CLSTN2: variants seen among roughly 807,000 people sequenced by gnomAD.
CLSTN2 encodes the protein calsyntenin-2.
Under a neutral mutation model 101.2 loss-of-function variants are expected in CLSTN2, and 48 were observed. The ratio of observed to expected loss-of-function variants is 0.47; its 90% confidence interval spans 0.38 to 0.60. The LOEUF (loss-of-function observed/expected upper bound fraction) is 0.60, where lower values mean the gene tolerates loss of function less well. Ranked by LOEUF, CLSTN2 falls within the 20% of genes least tolerant of loss-of-function variation. The pLI is 0.00. For missense variants in CLSTN2, 1,160 were observed against 1,238.2 expected (o/e 0.94, Z 0.95); for synonymous variants, 481 against 463.6 (o/e 1.04, Z -0.48).
chr3:140,434,448 G>T (rs536239739), intron 5 of CLSTN2, among the ~76,000 whole-genome samples: 3 of 152,164 alleles, frequency 2.0e-5, no homozygotes, highest in African/African-American at 7.2e-5. Flanking sequence ...GAGCTGGAGC[G>T]GTGGTGAGGT....
In CLSTN2 at chr3:140,566,390, C is replaced by A; in HGVS notation, c.*137C>A. On this transcript the variant is annotated 3_prime_UTR_variant, in exon 17 of 17. Coordinates refer to ENST00000458420, the MANE Select transcript of CLSTN2 (RefSeq NM_022131.3). ...CTTCTCCAGCTTCCTGGAGCCCACC[C>A]TTTAAGCCTTGGGCACTCCCTGTGT... 1 of 852,124 alleles carries A rather than the reference C, an allele frequency of 1.2e-6. No homozygotes were observed. Among genetic ancestry groups the A allele is most frequent in the South Asian group, 1.7e-5 (1 of 59,602 alleles). The allele number at this position is 852,124 out of a possible 1,614,324, so 52.8% of individuals were successfully genotyped here. A position where few individuals can be genotyped will look rare whatever the true frequency, so the allele number is the denominator to read the frequency against.
At chr3:140,249,067 A>G (rs1176926676) in intron 2 of CLSTN2, among the ~76,000 whole-genome samples, 3 of 152,148 alleles carry the variant, frequency 2.0e-5, no homozygotes, top group African/African-American at 7.2e-5. Context: ...TCCCAGTCAC[A>G]GTTCCTATTC....
chr3:140,357,478 A>G (rs575936746), intron 2 of CLSTN2, among the ~76,000 whole-genome samples: 1 of 152,238 alleles, frequency 6.6e-6, no homozygotes, highest in East Asian at 1.9e-4. Flanking sequence ...TTATTCCTGC[A>G]TATTCCAGAT....
intron 1 of CLSTN2, among the ~76,000 whole-genome samples, chr3:140,022,721 T>C (rs13067861): frequency 0.82 from 124,521 of 152,096 alleles, 52,279 homozygotes; most frequent in East Asian, 0.92. Context: ...TTTTATGTAA[T>C]AGTGATAGAC....
At chr3:140,223,257 G>A (rs527863794) in intron 2 of CLSTN2, among the ~76,000 whole-genome samples, 2 of 152,224 alleles carry the variant, frequency 1.3e-5, no homozygotes, top group Non-Finnish European at 2.9e-5. Flanking sequence ...GAAAGGAAAA[G>A]TTTGTTATGA....
At chr3:140,312,738 G>A (rs2087183250) in intron 2 of CLSTN2, among the ~76,000 whole-genome samples, 1 of 152,142 alleles carries the variant, frequency 6.6e-6, no homozygotes, top group Non-Finnish European at 1.5e-5. Context: ...TTGAGTCAAG[G>A]AAAAAATTGG....
At chr3:140,552,557 A>G (rs1935723164) in intron 10 of CLSTN2, among the ~76,000 whole-genome samples, 1 of 152,100 alleles carries the variant, frequency 6.6e-6, no homozygotes, top group Non-Finnish European at 1.5e-5. Flanking sequence ...TGGAGATCCA[A>G]CACACTCTCC....
intron 1 of CLSTN2, among the ~76,000 whole-genome samples, chr3:140,148,942 T>C (rs573533461): frequency 1.2e-4 from 18 of 152,262 alleles, no homozygotes; most frequent in Middle Eastern, 3.4e-3. Context: ...AGGCAGTGGT[T>C]TACTATGGGG....
intron 2 of CLSTN2, among the ~76,000 whole-genome samples, chr3:140,203,058 T>C (rs1239640071): frequency 6.6e-6 from 1 of 152,306 alleles, no homozygotes; most frequent in East Asian, 1.9e-4. Flanking sequence ...GGCTCCTGAA[T>C]GTCTACATGG....
At chr3:140,043,212 C>T (rs1180526970) in intron 1 of CLSTN2, among the ~76,000 whole-genome samples, 1 of 152,100 alleles carries the variant, frequency 6.6e-6, no homozygotes, top group Non-Finnish European at 1.5e-5. Flanking sequence ...TAATGATCGC[C>T]ATTCTAACTG....
At chr3:140,003,570 A>T (rs1009421734) in intron 1 of CLSTN2, among the ~76,000 whole-genome samples, 2 of 152,186 alleles carry the variant, frequency 1.3e-5, no homozygotes, top group African/African-American at 4.8e-5. Context: ...TACTATGTTG[A>T]ATAACAGTGG....
chr3:140,152,863 G>A (rs1313361839), intron 1 of CLSTN2, among the ~76,000 whole-genome samples: 1 of 152,176 alleles, frequency 6.6e-6, no homozygotes, highest in Non-Finnish European at 1.5e-5. Flanking sequence ...AGACACAAAT[G>A]CTTCATAATC....
intron 1 of CLSTN2, among the ~76,000 whole-genome samples, chr3:140,019,473 CT>C (rs1386097768): frequency 1.3e-5 from 2 of 152,230 alleles, no homozygotes; most frequent in Non-Finnish European, 2.9e-5. Flanking sequence ...AATTAAATCT[CT>C]GTCTCCCTTT....
chr3:140,482,428 G>C (rs1013348441), intron 8 of CLSTN2, among the ~76,000 whole-genome samples: 1 of 152,138 alleles, frequency 6.6e-6, no homozygotes, highest in East Asian at 1.9e-4. Context: ...GTCTCTGCCA[G>C]GCTTTGGTAT....
intron 2 of CLSTN2, among the ~76,000 whole-genome samples, chr3:140,363,429 C>T (rs1022686652): frequency 2.6e-5 from 4 of 152,112 alleles, no homozygotes; most frequent in African/African-American, 4.8e-5. Context: ...TACAGAACTC[C>T]GTAAATTTAT....
intron 1 of CLSTN2, among the ~76,000 whole-genome samples, chr3:140,061,832 T>C (rs2008210088): frequency 6.6e-6 from 1 of 152,244 alleles, no homozygotes. Flanking sequence ...GAATTCTTTT[T>C]ACTTCCACAC....
Position 140,272,858 on chromosome 3 carries a change from G to A in CLSTN2, c.232+96785G>A, listed in dbSNP as rs192380943. Among the ~76,000 whole-genome samples the A allele has an allele frequency of 1.5e-3, 228 of 152,118 alleles. 1 individual carries two copies. The highest frequency in any genetic ancestry group is 1.8e-3 in the Non-Finnish European group (122 of 67,984). ...GATGGGAAAATCATGAAATCTTTAA[G>A]GAAGGTTGTGATTGGCAATGTTCCT... On this transcript the variant is annotated intron_variant, in intron 2 of 16. Transcript: ENST00000458420.
chr3:140,158,478 T>A (rs1426766907), intron 1 of CLSTN2, among the ~76,000 whole-genome samples: 3 of 152,068 alleles, frequency 2.0e-5, no homozygotes. Context: ...TACCTAAGAA[T>A]ACAGCTCATC....
At chr3:140,399,788 T>C (rs894702922) in intron 2 of CLSTN2, among the ~76,000 whole-genome samples, 3 of 152,266 alleles carry the variant, frequency 2.0e-5, no homozygotes. Context: ...GTGCTAGAGT[T>C]TGGAGTATGA....
Sources: gnomAD v4.1 joint callset for allele counts (sites outside exome capture counted in the v4.1 genomes callset) on GRCh38, gnomAD v4.1.1 for gene constraint, MANE v1.5 for transcripts, NCBI Gene and HGNC (gene_info 2026-07-23, HGNC 2026-07-21) for gene names.